The following BTBD7 variants were observed in gnomAD, a reference collection of about 807,000 sequenced individuals.
BTBD7 encodes the protein BTB domain containing 7, also known as BTB/POZ domain-containing protein 7.
BTBD7 carries 38 observed loss-of-function variants against 99.9 expected under a neutral mutation model. The ratio of observed to expected loss-of-function variants is 0.38; its 90% CI spans 0.29 to 0.50. The LOEUF is 0.50. Among genes scored for constraint, BTBD7 ranks in the 20% least tolerant of loss-of-function variants. The pLI is 0.93. For synonymous variants in BTBD7, 520 were observed against 511.4 expected, an observed-to-expected ratio of 1.02 and a Z score of -0.23; for missense variants, 1,170 against 1,394.6, an observed-to-expected ratio of 0.84 and a Z score of 2.57.
In BTBD7 at chr14:93,316,594, T is replaced by C. The variant is rs118037432; in HGVS notation, c.-107+16226A>G. Among the ~76,000 whole-genome samples, 472 of 152,276 alleles carry C rather than the reference T, an allele frequency of 3.1e-3. 2 individuals are homozygous for C. Among genetic ancestry groups the C allele is most frequent in the Admixed American group, 7.6e-3 (117 of 15,300 alleles). On this transcript the variant is annotated intron_variant, in intron 1 of 10. Transcript: ENST00000334746. ...TGTTCCCTTTTTCCACTCCCCACTA[T>C]AAGGTAAACTATATAAGGTCAGGGT...
rs1440694842 is a variant in BTBD7, at chr14:93,316,267, AT to A, written c.-107+16552del. Among the ~76,000 whole-genome samples the A allele has an allele frequency of 5.4e-5, 6 of 110,206 alleles. No homozygotes were observed. In the Middle Eastern group the frequency reaches 0.013, roughly 240 times the overall value. The allele number at this position is 110,206 out of a possible 152,430, so 72.3% of individuals were successfully genotyped here. On this transcript the variant is annotated intron_variant, in intron 1 of 10. Transcript: ENST00000334746. ...ACCATGCCCAGTCTTTTTTTTTTTA[AT>A]TTTTTTTAAAAAATAGAGACAGTCT...
At chr14:93,290,987 GTTTTTTTTTTT>G (rs34246296) in intron 3 of BTBD7, among the ~76,000 whole-genome samples, 41 of 76,764 alleles carry the variant, frequency 5.3e-4, no homozygotes, top group African/African-American at 2.2e-3. Context: ...GCTAGGCCTA[GTTTTTTTTTTT>G]TTTTTTTTTT....
intron 3 of BTBD7, chr14:93,288,763 A>C (rs776446916): frequency 6.3e-7 from 1 of 1,592,180 alleles, no homozygotes; most frequent in South Asian, 1.2e-5. Context: ...CCTGAGTGTA[A>C]TTTCACTGTG....
chr14:93,298,154 G>A (rs771356009), intron 1 of BTBD7, among the ~76,000 whole-genome samples: 2 of 152,082 alleles, frequency 1.3e-5, no homozygotes, highest in Non-Finnish European at 2.9e-5. Flanking sequence ...CCTTGCCTCC[G>A]GATGAAGAAA....
At chr14:93,260,464 C>T (rs1410179192) in intron 5 of BTBD7, among the ~76,000 whole-genome samples, 1 of 152,200 alleles carries the variant, frequency 6.6e-6, no homozygotes, top group Admixed American at 6.5e-5. Flanking sequence ...AGCCCAGCCT[C>T]CAACATATGA....
At chr14:93,306,795 C>T (rs967216651) in intron 1 of BTBD7, among the ~76,000 whole-genome samples, 1 of 152,114 alleles carries the variant, frequency 6.6e-6, no homozygotes, top group Non-Finnish European at 1.5e-5. Context: ...GAGTGTTCTC[C>T]TAATAATATA....
chr14:93,248,596 C>T lies in BTBD7; in HGVS notation c.2001G>A (p.Thr667=), dbSNP rs141232093. 167 of 1,613,794 alleles carry T rather than the reference C, an allele frequency of 1.0e-4. No homozygotes were observed. Among genetic ancestry groups the T allele is most frequent in the African/African-American group, 3.1e-4 (23 of 74,948 alleles). ...GGGCATAGGCCCTCTGCACCTGCTC[C>T]GTGTGCCGCAGTTCCTGCAGTCGTC... ...MVRRLQELRH[T]EQVQRAYALN... is the part of the protein sequence containing the mutation. The change falls in exon 9 of 11, where the codon ACG becomes ACA. Residue 667 remains threonine, a synonymous_variant. Coordinates refer to ENST00000334746, the MANE Select transcript of BTBD7 (RefSeq NM_001002860.4).
At chr14:93,311,685 A>T (rs1453695512) in intron 1 of BTBD7, among the ~76,000 whole-genome samples, 2 of 151,990 alleles carry the variant, frequency 1.3e-5, no homozygotes, top group Non-Finnish European at 2.9e-5. Context: ...ATATTCACAC[A>T]ACCTGAGAAT....
intron 1 of BTBD7, among the ~76,000 whole-genome samples, chr14:93,310,770 C>CA: frequency 8.6e-6 from 1 of 116,672 alleles, no homozygotes; most frequent in Non-Finnish European, 1.7e-5. Context: ...AACCAAAAAA[C>CA]TTTTTTTTTT....
intron 1 of BTBD7, among the ~76,000 whole-genome samples, chr14:93,331,620 C>A (rs899579894): frequency 6.6e-6 from 1 of 152,226 alleles, no homozygotes; most frequent in African/African-American, 2.4e-5. Flanking sequence ...GTGGCTCACG[C>A]CTGCAATCCC....
At chr14:93,325,367 A>G (rs2053318884) in intron 1 of BTBD7, among the ~76,000 whole-genome samples, 1 of 152,058 alleles carries the variant, frequency 6.6e-6, no homozygotes, top group Non-Finnish European at 1.5e-5. Context: ...ACCTCAGGTG[A>G]TCCGCCCACC....
At chr14:93,291,022 G>T (rs865899237) in intron 3 of BTBD7, among the ~76,000 whole-genome samples, 2 of 123,638 alleles carry the variant, frequency 1.6e-5, no homozygotes, top group African/African-American at 6.3e-5. Context: ...TGGTAGAGAC[G>T]AGGTCTCACT....
chr14:93,251,466 G>A lies in BTBD7; in HGVS notation c.1939C>T (p.Pro647Ser). Reference sequence around the variant, plus strand: ...AACACCCAACATACTGCCTTACCTGGAATTTCGTTGGCTACAACTGAAGGA... The same window carrying A: ...AACACCCAACATACTGCCTTACCTGAAATTTCGTTGGCTACAACTGAAGGA... ...SPPSVVANEI[P>S]VPRLLIMKDM... The change falls in exon 8 of 11, where the codon CCA (proline) becomes TCA (serine). Residue 647 changes from proline to serine, a missense_variant. Physicochemically the swap from Pro to Ser is moderately conservative, Grantham distance 74. Around this residue, in one of 4 missense-constraint regions of BTBD7, gnomAD observed 309 missense variants for 342.0 expected, o/e 0.90. Transcript: ENST00000334746. The A allele has an allele frequency of 6.3e-7, 1 of 1,588,008 alleles. No homozygotes were observed. The highest frequency in any genetic ancestry group is 8.6e-7 in the Non-Finnish European group (1 of 1,161,812).
rs1357872106 is a variant in BTBD7 at position 93,300,754 on chromosome 14, GTGTGTGTGTGTGTGTGTGTA to G, written c.-106-4617_-106-4598del. Among the ~76,000 whole-genome samples, 482 of 56,292 alleles carry G rather than the reference GTGTGTGTGTGTGTGTGTGTA, an allele frequency of 8.6e-3. 29 individuals are homozygous for G. The highest frequency in any genetic ancestry group is 0.022 in the Middle Eastern group (3 of 134). 36.9% of individuals were successfully genotyped at this position (56,292 alleles called of 152,430 possible). On this transcript the variant is annotated intron_variant, in intron 1 of 10. Coordinates refer to ENST00000334746, the MANE Select transcript of BTBD7 (RefSeq NM_001002860.4). ...TGTGTGTGTGTGTGTGTGTGTGTGTGTGTGTGTGTGTGTGTGTGTATATATATATATATTTTTTTTTTGTA... is the reference window on the plus strand; with the variant it reads ...TGTGTGTGTGTGTGTGTGTGTGTGTGTATATATATATATTTTTTTTTTGTA...
intron 1 of BTBD7, among the ~76,000 whole-genome samples, chr14:93,307,860 C>T (rs1334793030): frequency 6.6e-6 from 1 of 152,216 alleles, no homozygotes; most frequent in African/African-American, 2.4e-5. Context: ...AAGTTGAAAA[C>T]TGCTGAATGA....
At chr14:93,330,488 C>G (rs2053389541) in intron 1 of BTBD7, among the ~76,000 whole-genome samples, 1 of 152,190 alleles carries the variant, frequency 6.6e-6, no homozygotes, top group Admixed American at 6.5e-5. Context: ...ACTCATCTCT[C>G]TCTACCCTGT....
At position 93,245,839 on chromosome 14, in the gene BTBD7, A is replaced by ATGCTGC. The variant is rs756424655; in HGVS notation, c.2563_2568dup (p.Ala855_Ala856dup). On this transcript the variant is annotated inframe_insertion, in exon 10 of 11. Transcript: ENST00000334746. ...TGTTGACTTACCACTTGCTTCTCAG[A>ATGCTGC]TGCTGCTGCTGCTGCTGCTGTTGCT... is the stretch of plus-strand genomic sequence containing the variant. 539 of 1,612,036 alleles carry ATGCTGC rather than the reference A, an allele frequency of 3.3e-4. No individual in the cohort carries two copies. Among genetic ancestry groups the ATGCTGC allele is most frequent in the Non-Finnish European group, 3.7e-4 (433 of 1,178,836 alleles).
intron 1 of BTBD7, among the ~76,000 whole-genome samples, chr14:93,313,679 T>TACACACACAC (rs57711099): frequency 0.012 from 1,764 of 145,476 alleles, 15 homozygotes; most frequent in African/African-American, 0.018. Flanking sequence ...AAAATGAAAC[T>TACACACACAC]ACACACACAC....
Position 93,294,512 on chromosome 14 carries a change from G to A in BTBD7, c.508C>T (p.Leu170=). 2 of 1,614,040 alleles carry A rather than the reference G, an allele frequency of 1.2e-6. No individual in the cohort carries two copies. The highest frequency in any genetic ancestry group is 1.7e-6 in the Non-Finnish European group (2 of 1,179,980). Residue 170 remains leucine (L), a synonymous_variant, in exon 3 of 11, where the codon CTG becomes TTG. Coordinates refer to ENST00000334746, the MANE Select transcript of BTBD7 (RefSeq NM_001002860.4). ...LAARCPFFKT[L]LSSSPEYGAE... Reference sequence around the variant, plus strand: ...CCATACTCTGGTGAGGAAGAAAGCAGTGTTTTAAAAAATGGACACCTTGCT... The same window carrying A: ...CCATACTCTGGTGAGGAAGAAAGCAATGTTTTAAAAAATGGACACCTTGCT...
Sources: allele counts gnomAD v4.1 joint callset (sites outside exome capture counted in the v4.1 genomes callset), GRCh38; gene constraint gnomAD v4.1.1; regional missense constraint gnomAD v4.1.1; transcripts MANE v1.5; gene names NCBI Gene and HGNC (gene_info 2026-07-23, HGNC 2026-07-21).